Variants in LRMDA observed in about 807,000 individuals in gnomAD.
LRMDA encodes the protein leucine-rich melanocyte differentiation-associated protein.
A neutral mutation model predicts 29.8 loss-of-function variants in LRMDA; 18 were observed. The observed-to-expected ratio is 0.60, with a 90% CI of 0.42 to 0.90. The LOEUF (loss-of-function observed/expected upper bound fraction) is 0.90. Ranked by LOEUF, LRMDA falls within the 40% of genes least tolerant of loss-of-function variation. The pLI is 0.00. For synonymous variants in LRMDA, 125 were observed against 109.4 expected (o/e 1.14, Z -0.89); for missense variants, 273 against 273.9 (o/e 1.00, Z 0.02).
intron 2 of LRMDA, among the ~76,000 whole-genome samples, chr10:75,525,667 A>G (rs940919693): frequency 1.3e-5 from 2 of 149,510 alleles, no homozygotes; most frequent in African/African-American, 4.9e-5. Context: ...TTTTAAAAAT[A>G]ATATAGTTCA....
intron 6 of LRMDA, among the ~76,000 whole-genome samples, chr10:76,391,215 A>G (rs1841720587): frequency 6.6e-6 from 1 of 152,160 alleles, no homozygotes; most frequent in African/African-American, 2.4e-5. Context: ...CTCTTTCTGT[A>G]TAGCAACTTA....
At chr10:76,228,203 G>A (rs1482373102) in intron 5 of LRMDA, among the ~76,000 whole-genome samples, 1 of 151,950 alleles carries the variant, frequency 6.6e-6, no homozygotes, top group African/African-American at 2.4e-5. Flanking sequence ...TATATTTTTA[G>A]TAGAGACGGG....
At chr10:76,286,535 A>G (rs1840273438) in intron 5 of LRMDA, among the ~76,000 whole-genome samples, 1 of 152,208 alleles carries the variant, frequency 6.6e-6, no homozygotes, top group East Asian at 1.9e-4. Context: ...TGGGGTGAGC[A>G]GCAGTTAAGG....
chr10:76,233,617 TTATCATCTAA>T, intron 5 of LRMDA, among the ~76,000 whole-genome samples: 1 of 152,222 alleles, frequency 6.6e-6, no homozygotes, highest in East Asian at 1.9e-4. Context: ...TGCCTATGCT[TTATCATCTAA>T]GTTTAGTAAT....
intron 2 of LRMDA, among the ~76,000 whole-genome samples, chr10:75,884,892 T>C (rs1013881803): frequency 2.0e-5 from 3 of 151,358 alleles, no homozygotes; most frequent in Non-Finnish European, 4.4e-5. Flanking sequence ...CAACGAAAAA[T>C]CCAGTTTAGG....
Position 75,757,529 on chromosome 10 carries a change from C to T in LRMDA, c.132-278479C>T, listed in dbSNP as rs73290546. Among the ~76,000 whole-genome samples, 1,242 of 152,196 alleles carry T rather than the reference C, an allele frequency of 8.2e-3. 20 individuals carry two copies. Among genetic ancestry groups the T allele is most frequent in the African/African-American group, 0.028 (1,152 of 41,516 alleles). ...GTGGGGGCCCTGGCATTGGTCCCCC[C>T]GTGTTTACATCCCAGCCTGGCTGTT... is the stretch of plus-strand genomic sequence containing the variant. On this transcript the variant is annotated intron_variant, in intron 2 of 6. Transcript: ENST00000611255.
At chr10:76,352,405 C>G (rs1360331684) in intron 6 of LRMDA, among the ~76,000 whole-genome samples, 1 of 152,124 alleles carries the variant, frequency 6.6e-6, no homozygotes, top group Non-Finnish European at 1.5e-5. Context: ...TACTTCAACA[C>G]AACCACTGCC....
intron 2 of LRMDA, among the ~76,000 whole-genome samples, chr10:75,936,694 C>T (rs1304966459): frequency 6.6e-6 from 1 of 152,048 alleles, no homozygotes; most frequent in Non-Finnish European, 1.5e-5. Context: ...TCATAGACAG[C>T]GACGTCATAT....
At chr10:75,770,430 T>C (rs1414451804) in intron 2 of LRMDA, among the ~76,000 whole-genome samples, 3 of 152,264 alleles carry the variant, frequency 2.0e-5, no homozygotes, top group East Asian at 3.8e-4. Flanking sequence ...TTATGTAATA[T>C]GTATTTCACC....
At chr10:76,218,944 T>C (rs1851777228) in intron 5 of LRMDA, among the ~76,000 whole-genome samples, 1 of 152,134 alleles carries the variant, frequency 6.6e-6, no homozygotes, top group Non-Finnish European at 1.5e-5. Flanking sequence ...GGAAACAGAA[T>C]CTATGCAGCT....
intron 5 of LRMDA, among the ~76,000 whole-genome samples, chr10:76,200,714 C>CTTTTTTT (rs545738244): frequency 1.4e-5 from 2 of 142,730 alleles, no homozygotes; most frequent in African/African-American, 2.6e-5. Context: ...TTTTCTTTTT[C>CTTTTTTT]TTTTTTTTTT....
intron 1 of LRMDA, among the ~76,000 whole-genome samples, chr10:75,433,088 CT>C (rs149069098): frequency 6.6e-5 from 10 of 151,098 alleles, no homozygotes; most frequent in Non-Finnish European, 1.3e-4. Context: ...GGGAAAGGGG[CT>C]TTTTTTTTCT....
intron 2 of LRMDA, among the ~76,000 whole-genome samples, chr10:75,935,065 A>G (rs1053496087): frequency 1.3e-5 from 2 of 152,024 alleles, no homozygotes; most frequent in African/African-American, 4.8e-5. Context: ...TTCTCATCCC[A>G]AAGGGAACTC....
intron 2 of LRMDA, among the ~76,000 whole-genome samples, chr10:76,003,231 C>T (rs1016188917): frequency 1.2e-4 from 18 of 152,114 alleles, no homozygotes; most frequent in Admixed American, 5.2e-4. Flanking sequence ...CACCATTAGA[C>T]GGGATTGGTG....
At chr10:76,390,855 A>G (rs1841715627) in intron 6 of LRMDA, among the ~76,000 whole-genome samples, 1 of 152,212 alleles carries the variant, frequency 6.6e-6, no homozygotes, top group African/African-American at 2.4e-5. Context: ...TGATGTGGAA[A>G]AGATTTTTGG....
At position 75,822,731 on chromosome 10, in the gene LRMDA, AT is replaced by A. The variant is rs918753228; in HGVS notation, c.132-213267del. The stretch of plus-strand genomic sequence containing the variant: ...GGGAAAGGACACCTTATTCAGTATA[AT>A]TTTTTTTTTCAGAGACAGGGTCTTA... On this transcript the variant is annotated intron_variant, in intron 2 of 6. Coordinates refer to ENST00000611255, the MANE Select transcript of LRMDA (RefSeq NM_001305581.2). 2.3e-3 allele frequency among the ~76,000 whole-genome samples: 349 copies of A among 150,352 alleles called. 5 individuals are homozygous for A. Among genetic ancestry groups the A allele is most frequent in the African/African-American group, 8.0e-3 (330 of 41,038 alleles).
chr10:75,513,258 G>T (rs114073882), intron 2 of LRMDA, among the ~76,000 whole-genome samples: 6 of 152,030 alleles, frequency 3.9e-5, no homozygotes, highest in African/African-American at 1.5e-4. Context: ...ATTCCATTAC[G>T]TGCATGCTTG....
At chr10:75,521,111 G>A (rs1465998735) in intron 2 of LRMDA, among the ~76,000 whole-genome samples, 1 of 152,204 alleles carries the variant, frequency 6.6e-6, no homozygotes, top group East Asian at 1.9e-4. Context: ...TATATGAGGT[G>A]TCTGTCGGCC....
At chr10:76,478,896 G>T (rs1842707105) in intron 6 of LRMDA, among the ~76,000 whole-genome samples, 1 of 149,424 alleles carries the variant, frequency 6.7e-6, no homozygotes, top group Non-Finnish European at 1.5e-5. Context: ...AAGGCCTGTT[G>T]TGGGGTGTGG....
Sources: allele counts gnomAD v4.1 joint callset (sites outside exome capture counted in the v4.1 genomes callset), GRCh38; gene constraint gnomAD v4.1.1; transcripts MANE v1.5; gene names NCBI Gene and HGNC (gene_info 2026-07-23, HGNC 2026-07-21).